NOP9: variants seen among roughly 807,000 people sequenced by gnomAD.
NOP9 encodes the protein NOP9 nucleolar protein, also known as nucleolar protein 9.
A neutral mutation model predicts 63.0 loss-of-function variants in NOP9; 50 were observed. That is an observed-to-expected ratio of 0.79 (90% confidence interval 0.63 to 1.00). The LOEUF (loss-of-function observed/expected upper bound fraction) is 1.00, where lower values mean the gene tolerates loss of function less well. Ranked by LOEUF, NOP9 falls within the 50% of genes least tolerant of loss-of-function variation. The pLI, the probability that NOP9 is intolerant of heterozygous loss-of-function variation, is 0.00. For synonymous variants in NOP9, 343 were observed against 332.8 expected, an observed-to-expected ratio of 1.03 and a Z score of -0.33; for missense variants, 758 against 803.0, an observed-to-expected ratio of 0.94 and a Z score of 0.68.
Position 24,305,384 on chromosome 14 carries a change from C to A in NOP9, c.*289C>A. On this transcript the variant is annotated 3_prime_UTR_variant, in exon 10 of 10. Coordinates refer to ENST00000267425, the MANE Select transcript of NOP9 (RefSeq NM_174913.3). ...CAAGATGCCTGGGGGACATCTTGAT[C>A]TTGGCCTTTCAGGGCAAGTGGGAGG... 1 of 576,528 alleles carries A rather than the reference C, an allele frequency of 1.7e-6. No homozygotes were observed. Among genetic ancestry groups the A allele is most frequent in the Non-Finnish European group, 2.9e-6 (1 of 342,600 alleles). 35.7% of individuals were successfully genotyped at this position (576,528 alleles called of 1,614,324 possible). A position where few individuals can be genotyped will look rare whatever the true frequency, so the allele number is the denominator to read the frequency against.
chr14:24,281,454 A>G, the NOP9 span, among the ~76,000 whole-genome samples: 3 of 152,222 alleles, frequency 2.0e-5, no homozygotes, highest in Non-Finnish European at 4.4e-5. Flanking sequence ...GTTTCTGTGC[A>G]TGGGGAAGGA....
the NOP9 span, chr14:24,292,704 G>A: frequency 6.2e-7 from 1 of 1,614,206 alleles, no homozygotes; most frequent in Non-Finnish European, 8.5e-7. Context: ...CAGGCTTCCT[G>A]GGGAGGAGAT....
At position 24,307,725 on chromosome 14, in the gene NOP9, G is replaced by C; in HGVS notation, c.*2630G>C. On this transcript the variant is annotated 3_prime_UTR_variant, in exon 10 of 10. Transcript: ENST00000267425. ...TGGAGTGGGGAGCAGGAGAGGAAGG[G>C]GTACTGGTTAGTCTCCTAGGGGCTG... is the stretch of plus-strand genomic sequence containing the variant. 7.2e-7 allele frequency: 1 copy of C among 1,380,676 alleles called. No homozygotes were observed. Among genetic ancestry groups the C allele is most frequent in the Middle Eastern group, 1.8e-4 (1 of 5,676 alleles). 85.5% of individuals were successfully genotyped at this position (1,380,676 alleles called of 1,614,324 possible).
intron 2 of NOP9, among the ~76,000 whole-genome samples, chr14:24,301,250 A>T (rs1302654094): frequency 6.6e-6 from 1 of 151,948 alleles, no homozygotes; most frequent in Non-Finnish European, 1.5e-5. Context: ...TATTTCATTT[A>T]AAAAAAATGC....
chr14:24,292,770 C>A, the NOP9 span: 14 of 1,612,832 alleles, frequency 8.7e-6, no homozygotes, highest in South Asian at 3.3e-5. Context: ...ATACACTGAG[C>A]AAAAGTAGTG....
the NOP9 span, chr14:24,292,434 C>T: frequency 6.5e-7 from 1 of 1,539,468 alleles, no homozygotes; most frequent in Non-Finnish European, 8.8e-7. Flanking sequence ...CTGTCCTTCC[C>T]AGGAGCCCCA....
upstream of NOP9, chr14:24,296,467 AAGTG>A (rs780045087): frequency 6.2e-7 from 1 of 1,602,772 alleles, no homozygotes; most frequent in Non-Finnish European, 8.5e-7. Context: ...CGAGTTGGCT[AAGTG>A]AGTGAGGGAA....
chr14:24,303,077 TC>T lies in NOP9; in HGVS notation c.1151del (p.Pro384LeufsTer6). ...LDAVTTPELL[S>X]PVFEELSPVL... ...TACATTCCATGTTTCCCATCAGCTG[TC>T]CCCTGTGTTTGAGGAGCTGAGCCCT... On this transcript the variant is annotated frameshift_variant, in exon 6 of 10. Transcript: ENST00000267425. LOFTEE classifies it high-confidence loss of function. The T allele has an allele frequency of 1.3e-6, 2 of 1,530,468 alleles. No individual in the cohort carries two copies. The highest frequency in any genetic ancestry group is 1.8e-6 in the Non-Finnish European group (2 of 1,142,142). The allele number at this position is 1,530,468 out of a possible 1,614,324, so 94.8% of individuals were successfully genotyped here. A position where few individuals can be genotyped will look rare whatever the true frequency, so the allele number is the denominator to read the frequency against.
chr14:24,304,368 G>T (rs1594623033), intron 8 of NOP9, 91 bp downstream of exon 8: 1 of 1,313,088 alleles, frequency 7.6e-7, no homozygotes, highest in East Asian at 2.3e-5. Flanking sequence ...ACTCAAAAAG[G>T]CTATGTAATT....
chr14:24,303,244 T>A, intron 6 of NOP9, 30 bp downstream of exon 6: 1 of 1,613,746 alleles, frequency 6.2e-7, no homozygotes. Context: ...AATCTGTTTA[T>A]GCCCTCAGTT....
the NOP9 span, among the ~76,000 whole-genome samples, chr14:24,274,217 C>G: frequency 1.3e-5 from 2 of 152,124 alleles, no homozygotes; most frequent in African/African-American, 4.8e-5. Context: ...CAGATGCCCT[C>G]AAGTGCAGAT....
Position 24,305,683 on chromosome 14 carries a change from C to G in NOP9, c.*588C>G. On this transcript the variant is annotated 3_prime_UTR_variant, in exon 10 of 10. Coordinates refer to ENST00000267425, the MANE Select transcript of NOP9 (RefSeq NM_174913.3). ...TGCTGCCACTGCTCAGCCCCCTCCA[C>G]TGCATGACGAAGGGTGGAGGAAATT... 6 of 1,614,216 alleles carry G rather than the reference C, an allele frequency of 3.7e-6. No individual in the cohort carries two copies. Among genetic ancestry groups the G allele is most frequent in the Non-Finnish European group, 5.1e-6 (6 of 1,180,030 alleles).
the NOP9 span, among the ~76,000 whole-genome samples, chr14:24,278,105 C>A: frequency 6.6e-6 from 1 of 152,140 alleles, no homozygotes; most frequent in Non-Finnish European, 1.5e-5. Context: ...CTCTGACCAT[C>A]GCAGAGCACA....
At chr14:24,290,640 T>G in the NOP9 span, 1 of 525,392 alleles carries the variant, frequency 1.9e-6, no homozygotes, top group East Asian at 3.2e-5. Context: ...AGAGCATTTT[T>G]CAATACTAAG....
At chr14:24,303,465 T>A (rs1209159485) in intron 6 of NOP9, among the ~76,000 whole-genome samples, 2 of 151,830 alleles carry the variant, frequency 1.3e-5, no homozygotes, top group African/African-American at 4.8e-5. Flanking sequence ...CAGCTCACCG[T>A]GCCCGGCTGA....
chr14:24,284,105 G>A, the NOP9 span, among the ~76,000 whole-genome samples: 1 of 152,206 alleles, frequency 6.6e-6, no homozygotes, highest in East Asian at 1.9e-4. Context: ...AGCTGAGACA[G>A]AGGTGAGGCT....
the NOP9 span, chr14:24,291,795 T>C: frequency 1.5e-6 from 1 of 681,658 alleles, no homozygotes; most frequent in South Asian, 1.7e-5. Flanking sequence ...GAGCCACTCC[T>C]CCCCACATCC....
the NOP9 span, among the ~76,000 whole-genome samples, chr14:24,274,879 A>C: frequency 7.4e-6 from 1 of 134,740 alleles, no homozygotes; most frequent in Non-Finnish European, 1.6e-5. Flanking sequence ...AAGTGCTAGG[A>C]TTACAGGCGT....
chr14:24,299,935 G>A lies in NOP9; in HGVS notation c.-20G>A, dbSNP rs575006409. The A allele has an allele frequency of 1.4e-5, 21 of 1,518,438 alleles. No individual in the cohort carries two copies. Among genetic ancestry groups the A allele is most frequent in the Non-Finnish European group, 1.6e-5 (18 of 1,134,404 alleles). 94.1% of individuals were successfully genotyped at this position (1,518,438 alleles called of 1,614,324 possible). On this transcript the variant is annotated 5_prime_UTR_variant, in exon 1 of 10. Coordinates refer to ENST00000267425, the MANE Select transcript of NOP9 (RefSeq NM_174913.3). ...CGCAGTTAAGGAAGCTTTTGCAGCCGGACAGGTCGCGAAGCACACATGGGG... is the reference window on the plus strand; with the variant it reads ...CGCAGTTAAGGAAGCTTTTGCAGCCAGACAGGTCGCGAAGCACACATGGGG...
Sources: gnomAD v4.1 joint callset for allele counts (sites outside exome capture counted in the v4.1 genomes callset) on GRCh38, gnomAD v4.1.1 for gene constraint, MANE v1.5 for transcripts, NCBI Gene and HGNC (gene_info 2026-07-23, HGNC 2026-07-21) for gene names.